The following FAM9C variants were observed in gnomAD, a reference collection of about 807,000 sequenced individuals.
The protein encoded by FAM9C is protein FAM9C.
A neutral mutation model predicts 14.8 loss-of-function variants in FAM9C; 15 were observed. That is an observed-to-expected ratio of 1.02 (90% CI 0.68 to 1.56). FAM9C has a LOEUF of 1.56. Ranked by LOEUF, FAM9C falls within the 40% of genes most tolerant of loss-of-function variation. The probability of loss-of-function intolerance (pLI) is 0.00; values close to 1 mark genes in which losing one functional copy is unlikely to be tolerated. For missense variants in FAM9C, 116 were observed against 118.0 expected (o/e 0.98, Z 0.08); for synonymous variants, 45 against 37.5 (o/e 1.20, Z -0.74).
At chrX:13,037,644 C>T (rs1363919630) in intron 7 of FAM9C, 2 of 112,565 alleles carry the variant, frequency 1.8e-5, no homozygotes, top group African/African-American at 6.5e-5. Flanking sequence ...ATGAACATGT[C>T]TTTCCACAAG....
intron 4 of FAM9C, chrX:13,041,986 A>G (rs1346787543): frequency 1.8e-5 from 2 of 112,580 alleles, no homozygotes; most frequent in African/African-American, 3.2e-5. Context: ...CAAGCAGAGC[A>G]AAGCTTTCCA....
chrX:13,044,059 C>A (rs2147294194), intron 1 of FAM9C, among the ~76,000 whole-genome samples: 1 of 112,587 alleles, frequency 8.9e-6, no homozygotes, highest in Non-Finnish European at 1.9e-5. Context: ...ATTCCGCGGC[C>A]TCTGCGGGAT....
chrX:13,041,043 T>C (rs762844749), intron 4 of FAM9C, 171 bp from the exon 5 acceptor site: 7 of 323,078 alleles, frequency 2.2e-5, no homozygotes, highest in Middle Eastern at 1.6e-3. Context: ...GTAAAACCTT[T>C]CAGGTATTAG....
intron 2 of FAM9C, 71 bp from the exon 3 acceptor site, chrX:13,043,319 C>A (rs764323266): frequency 1.8e-6 from 2 of 1,127,033 alleles, no homozygotes; most frequent in Non-Finnish European, 2.4e-6. Flanking sequence ...CATAGAGAAA[C>A]GTACTATTTG....
At position 13,043,751 on chromosome X, in the gene FAM9C, G is replaced by C; in HGVS notation, c.39C>G (p.Ala13=). Residue 13 remains alanine, a synonymous_variant, in exon 2 of 8, where the codon GCC becomes GCG. Coordinates refer to ENST00000380625, the MANE Select transcript of FAM9C (RefSeq NM_174901.6). ...AKDQLEVQVM[A]AQEMELAGKD... is the part of the protein sequence containing the mutation. ...TACCTGCAAGCTCCATTTCCTGGGC[G>C]GCCATAACTTGAACCTCCAACTGGT... 1.6e-6 allele frequency: 2 copies of C among 1,212,138 alleles called. No homozygotes were observed. The highest frequency in any genetic ancestry group is 2.2e-6 in the Non-Finnish European group (2 of 895,503).
In FAM9C at chrX:13,044,585, G is replaced by A. The variant is rs2043560027; in HGVS notation, c.-114C>T. On this transcript the variant is annotated 5_prime_UTR_variant, in exon 1 of 8. Coordinates refer to ENST00000380625, the MANE Select transcript of FAM9C (RefSeq NM_174901.6). Reference sequence around the variant, plus strand: ...CTCCCTCAGAGGACCTGCAGAGGCTGGCACCGCGAAGCTCCTCCGAGGGCC... The same window carrying A: ...CTCCCTCAGAGGACCTGCAGAGGCTAGCACCGCGAAGCTCCTCCGAGGGCC... The A allele has an allele frequency of 8.9e-6, 1 of 112,322 alleles. No individual in the cohort carries two copies. Among genetic ancestry groups the A allele is most frequent in the Non-Finnish European group, 1.9e-5 (1 of 53,042 alleles). 9.3% of individuals were successfully genotyped at this position (112,322 alleles called of 1,213,427 possible).
chrX:13,043,871 A>T lies in FAM9C; in HGVS notation c.-68-14T>A. On this transcript the variant is annotated splice_polypyrimidine_tract_variant and intron_variant, in intron 1 of 7. Coordinates refer to ENST00000380625, the MANE Select transcript of FAM9C (RefSeq NM_174901.6). The stretch of plus-strand genomic sequence containing the variant: ...CGACCTCTGAACCTGGTGAGTGCAA[A>T]GACACACTAAGGACACTAAGGAAAC... The T allele has an allele frequency of 1.0e-6, 1 of 963,387 alleles. No individual in the cohort carries two copies. Among genetic ancestry groups the T allele is most frequent in the South Asian group, 2.0e-5 (1 of 50,836 alleles). 79.4% of individuals were successfully genotyped at this position (963,387 alleles called of 1,213,427 possible).
chrX:13,043,336 T>G, intron 2 of FAM9C, 88 bp from the exon 3 acceptor site: 1 of 1,083,192 alleles, frequency 9.2e-7, no homozygotes, highest in South Asian at 2.4e-5. Flanking sequence ...TTTGTAGACT[T>G]TTTTGGCTCT....
rs144559460 is a variant in FAM9C, at chrX:13,039,918, T to C, written c.330-2A>G. On this transcript the variant is annotated splice_acceptor_variant, in intron 5 of 7. Transcript: ENST00000380625. LOFTEE classifies it high-confidence loss of function. The stretch of plus-strand genomic sequence containing the variant: ...GAAATTCTATAATCACGTTTCTGCC[T>C]GTAACACATAATAAGTAACAAGGTC... 2.5e-6 allele frequency: 3 copies of C among 1,190,121 alleles called. No individual in the cohort carries two copies. Among genetic ancestry groups the C allele is most frequent in the Non-Finnish European group, 2.3e-6 (2 of 883,143 alleles).
chrX:13,044,321 A>AC (rs748879259), intron 1 of FAM9C, among the ~76,000 whole-genome samples: 10,299 of 76,421 alleles, frequency 0.13, 825 homozygotes, highest in Admixed American at 0.34. Flanking sequence ...TGACCCCCCG[A>AC]CCCCCCCCCA....
Position 13,043,850 on chromosome X carries a change from C to G in FAM9C, c.-61G>C. The G allele has an allele frequency of 1.8e-6, 2 of 1,097,752 alleles. No homozygotes were observed. Among genetic ancestry groups the G allele is most frequent in the Non-Finnish European group, 1.3e-6 (1 of 792,839 alleles). 90.5% of individuals were successfully genotyped at this position (1,097,752 alleles called of 1,213,427 possible). On this transcript the variant is annotated 5_prime_UTR_variant, in exon 2 of 8. Transcript: ENST00000380625. ...ACTGGCCTGGGAAGCTAGAGGCGAC[C>G]TCTGAACCTGGTGAGTGCAAAGACA...
chrX:13,043,691 C>A (rs764815568), intron 2 of FAM9C, 38 bp downstream of exon 2: 2 of 1,204,106 alleles, frequency 1.7e-6, no homozygotes, highest in Middle Eastern at 2.3e-4. Context: ...GACTGTTGGG[C>A]GTGCACCTTC....
At chrX:13,039,584 T>C in intron 6 of FAM9C, among the ~76,000 whole-genome samples, 1 of 111,798 alleles carries the variant, frequency 8.9e-6, no homozygotes, top group East Asian at 2.8e-4. Context: ...CTTGCACAAA[T>C]ATGCCAACTG....
chrX:13,043,384 A>C, intron 2 of FAM9C, 136 bp from the exon 3 acceptor site: 1 of 870,243 alleles, frequency 1.1e-6, no homozygotes, highest in Non-Finnish European at 1.6e-6. Context: ...TATACATGGA[A>C]TCGCCGGCTC....
intron 6 of FAM9C, 71 bp from the exon 7 acceptor site, chrX:13,038,574 A>G: frequency 3.2e-6 from 3 of 936,456 alleles, no homozygotes; most frequent in Non-Finnish European, 4.4e-6. Context: ...TCTGCATTAA[A>G]GAAATACTCT....
chrX:13,037,746 G>A (rs1042054546), intron 7 of FAM9C: 6 of 112,954 alleles, frequency 5.3e-5, no homozygotes, highest in Non-Finnish European at 1.1e-4. Context: ...ATTGTCCGAT[G>A]ACAATTTGCT....
At position 13,035,625 on chromosome X, in the gene FAM9C, T is replaced by A. The variant is rs1363495953; in HGVS notation, c.*419A>T. The A allele has an allele frequency of 8.9e-6, 1 of 112,761 alleles. No individual in the cohort carries two copies. 9.3% of individuals were successfully genotyped at this position (112,761 alleles called of 1,213,427 possible). On this transcript the variant is annotated 3_prime_UTR_variant, in exon 8 of 8. Transcript: ENST00000380625. ...AGAATGCACAGATAAAATAAGGGTT[T>A]GTCTTCTTTTATTAGAGAAAAATGT...
At chrX:13,042,747 A>G (rs2043537845) in intron 4 of FAM9C, 171 bp downstream of exon 4, 1 of 560,417 alleles carries the variant, frequency 1.8e-6, no homozygotes, top group Non-Finnish European at 3.0e-6. Flanking sequence ...ATTCCACATC[A>G]ACAATTAAAA....
Position 13,043,811 on chromosome X carries a change from G to C in FAM9C, c.-22C>G. On this transcript the variant is annotated 5_prime_UTR_variant, in exon 2 of 8. Coordinates refer to ENST00000380625, the MANE Select transcript of FAM9C (RefSeq NM_174901.6). ...CCATCCTGCTGCCCTTCCTGCCCAC[G>C]GGCTCCGTGGCTGACTGGCCTGGGA... 1.7e-6 allele frequency: 2 copies of C among 1,209,184 alleles called. No individual in the cohort carries two copies. The highest frequency in any genetic ancestry group is 2.2e-6 in the Non-Finnish European group (2 of 893,061).
Sources: gnomAD v4.1 joint callset for allele counts (sites outside exome capture counted in the v4.1 genomes callset) on GRCh38, gnomAD v4.1.1 for gene constraint, MANE v1.5 for transcripts, NCBI Gene and HGNC (gene_info 2026-07-23, HGNC 2026-07-21) for gene names.